Variants in TEX9 observed in about 807,000 individuals in gnomAD.
TEX9 encodes the protein testis-expressed protein 9.
Under a neutral mutation model 59.6 loss-of-function variants are expected in TEX9, and 74 were observed. The observed-to-expected ratio is 1.24, with a 90% CI of 1.03 to 1.51. The LOEUF (loss-of-function observed/expected upper bound fraction) is 1.51. Ranked by LOEUF, TEX9 falls within the 40% of genes most tolerant of loss-of-function variation. The pLI is 0.00. For missense variants in TEX9, 522 were observed against 447.8 expected (o/e 1.17, Z -1.49); for synonymous variants, 186 against 152.2 (o/e 1.22, Z -1.64).
intron 3 of TEX9, among the ~76,000 whole-genome samples, chr15:56,381,220 C>T (rs1168913722): frequency 2.6e-5 from 4 of 152,080 alleles, no homozygotes; most frequent in African/African-American, 9.7e-5. Flanking sequence ...ATGTCAGTTG[C>T]ATTTTTAACT....
intron 2 of TEX9, among the ~76,000 whole-genome samples, chr15:56,366,930 A>G (rs2046971914): frequency 6.6e-6 from 1 of 152,228 alleles, no homozygotes; most frequent in Admixed American, 6.5e-5. Context: ...TCAAAAGTGT[A>G]CTTAAGCAAA....
At chr15:56,416,100 G>T (rs1454897943) in intron 10 of TEX9, among the ~76,000 whole-genome samples, 2 of 151,834 alleles carry the variant, frequency 1.3e-5, no homozygotes, top group African/African-American at 4.9e-5. Context: ...TGCTGAAGTT[G>T]TTTATCTGCC....
At chr15:56,358,204 T>G (rs2046720099) in intron 1 of TEX9, among the ~76,000 whole-genome samples, 1 of 152,192 alleles carries the variant, frequency 6.6e-6, no homozygotes, top group African/African-American at 2.4e-5. Flanking sequence ...TTTTCTCAGC[T>G]TAACCTTTTT....
chr15:56,273,447 C>T (rs967806800), intron 1 of TEX9, among the ~76,000 whole-genome samples: 1 of 152,120 alleles, frequency 6.6e-6, no homozygotes, highest in Non-Finnish European at 1.5e-5. Context: ...ATCTGTTGTT[C>T]TATCATTTTC....
chr15:56,412,413 AG>A lies in TEX9; in HGVS notation c.941del (p.Ser314IlefsTer3), dbSNP rs777416452. 21 of 1,611,346 alleles carry A rather than the reference AG, an allele frequency of 1.3e-5. No homozygotes were observed. The highest frequency in any genetic ancestry group is 1.8e-5 in the Non-Finnish European group (21 of 1,179,176). On this transcript the variant is annotated frameshift_variant, in exon 10 of 13. Transcript: ENST00000352903. LOFTEE classifies it high-confidence loss of function. The stretch of plus-strand genomic sequence containing the variant: ...AGCAGAAAAGTATAAACTGGAGTTA[AG>A]TAAATTAAGGCAAAATAACAAGGTA...
At chr15:56,365,226 G>C (rs2046878465), upstream of TEX9, among the ~76,000 whole-genome samples, 1 of 152,178 alleles carries the variant, frequency 6.6e-6, no homozygotes, top group Admixed American at 6.5e-5. Context: ...TTGAGAATTT[G>C]CACTAACTAA....
intron 1 of TEX9, chr15:56,248,966 A>T (rs1471015393): frequency 6.6e-6 from 1 of 152,236 alleles, no homozygotes; most frequent in Non-Finnish European, 1.5e-5. Context: ...CACATTCGAG[A>T]ACCTGCTATG....
chr15:56,249,838 CA>C (rs2043972716), intron 1 of TEX9, among the ~76,000 whole-genome samples: 1 of 143,008 alleles, frequency 7.0e-6, no homozygotes, highest in Non-Finnish European at 1.5e-5. Context: ...TGTAGAAAAT[CA>C]AAGATTGGGG....
Position 56,407,077 on chromosome 15 carries a change from T to A in TEX9, c.829-5225T>A, listed in dbSNP as rs559721973. 2.6e-5 allele frequency among the ~76,000 whole-genome samples: 4 copies of A among 152,170 alleles called. No homozygotes were observed. The South Asian group carries it at 6.2e-4, about 24-fold the overall frequency. On this transcript the variant is annotated intron_variant, in intron 9 of 12. Coordinates refer to ENST00000352903, the Ensembl canonical transcript of TEX9. ...CTCCTGATTTCTTCTAGAAGTGTTA[T>A]AGTGTTTGTGTGTGTGTGTGTGTAT...
chr15:56,339,936 T>C (rs12438053), intron 1 of TEX9, among the ~76,000 whole-genome samples: 6,691 of 152,134 alleles, frequency 0.044, 223 homozygotes, highest in Admixed American at 0.086. Flanking sequence ...AATTCATTTC[T>C]GTTGTTTATA....
chr15:56,365,416 T>A (rs776126579), upstream of TEX9: 1 of 1,602,932 alleles, frequency 6.2e-7, no homozygotes. Context: ...GGAAGATGCG[T>A]CGTTGCCTCG....
intron 1 of TEX9, among the ~76,000 whole-genome samples, chr15:56,333,018 G>T (rs984583048): frequency 2.2e-4 from 34 of 152,146 alleles, no homozygotes; most frequent in African/African-American, 6.8e-4. Context: ...CAAGCTGGAA[G>T]CCATAATAAA....
In TEX9 at chr15:56,352,411, AT is replaced by A. The variant is rs568700139; in HGVS notation, c.-106-21017del. On this transcript the variant is annotated intron_variant, in intron 1 of 5. Coordinates refer to the TEX9 transcript ENST00000560827. ...AGGTGCCCACTACCACGCCCAGCTAATTTTTTTTTTTTTGTATTTTTAGTAG... is the reference window on the plus strand; with the variant it reads ...AGGTGCCCACTACCACGCCCAGCTAATTTTTTTTTTTTGTATTTTTAGTAG... Among the ~76,000 whole-genome samples, 654 of 145,296 alleles carry A rather than the reference AT, an allele frequency of 4.5e-3. 2 individuals carry two copies. Among genetic ancestry groups the A allele is most frequent in the Admixed American group, 9.4e-3 (138 of 14,670 alleles).
intron 10 of TEX9, among the ~76,000 whole-genome samples, chr15:56,424,725 T>C (rs923454624): frequency 6.6e-6 from 1 of 152,180 alleles, no homozygotes; most frequent in Non-Finnish European, 1.5e-5. Flanking sequence ...ATAGTATTTT[T>C]TATGCTTTTG....
intron 1 of TEX9, among the ~76,000 whole-genome samples, chr15:56,355,855 A>G (rs1207626514): frequency 2.6e-5 from 4 of 152,116 alleles, no homozygotes; most frequent in Admixed American, 1.3e-4. Flanking sequence ...TTGATTTCCA[A>G]TTGTTCATAC....
intron 1 of TEX9, among the ~76,000 whole-genome samples, chr15:56,303,823 C>T (rs979156395): frequency 5.3e-5 from 8 of 152,096 alleles, no homozygotes; most frequent in East Asian, 1.9e-4. Flanking sequence ...ACATTTCAAC[C>T]GATACCACAG....
chr15:56,320,345 A>C (rs1192130895), intron 1 of TEX9, among the ~76,000 whole-genome samples: 1 of 152,198 alleles, frequency 6.6e-6, no homozygotes, highest in African/African-American at 2.4e-5. Flanking sequence ...TTATTTTCTC[A>C]CAGTTCTGGA....
chr15:56,433,410 T>C (rs1251138682), intron 12 of TEX9, among the ~76,000 whole-genome samples: 2 of 9,946 alleles, frequency 2.0e-4, no homozygotes, highest in African/African-American at 7.8e-4. Context: ...ACATGCATCC[T>C]GGAACTTAAA....
intron 1 of TEX9, among the ~76,000 whole-genome samples, chr15:56,349,029 G>A (rs1397083026): frequency 5.3e-5 from 8 of 151,946 alleles, no homozygotes; most frequent in Non-Finnish European, 8.8e-5. Context: ...GGCCCATCAA[G>A]TGAATTTTTC....
Sources: gnomAD v4.1 joint callset for allele counts (sites outside exome capture counted in the v4.1 genomes callset) on GRCh38, gnomAD v4.1.1 for gene constraint, MANE v1.5 for transcripts, NCBI Gene and HGNC (gene_info 2026-07-23, HGNC 2026-07-21) for gene names.